The following IPCEF1 variants were observed in gnomAD, a reference collection of about 807,000 sequenced individuals.
IPCEF1 encodes the protein interactor protein for cytohesin exchange factors 1.
A neutral mutation model predicts 50.9 loss-of-function variants in IPCEF1; 31 were observed. The ratio of observed to expected loss-of-function variants is 0.61; its 90% CI spans 0.46 to 0.82. The LOEUF (loss-of-function observed/expected upper bound fraction) is 0.82, where lower values mean the gene tolerates loss of function less well. Ranked by LOEUF, IPCEF1 falls within the 40% of genes least tolerant of loss-of-function variation. The probability of loss-of-function intolerance (pLI) is 0.00; values close to 1 mark genes in which losing one functional copy is unlikely to be tolerated. For synonymous variants in IPCEF1, 181 were observed against 192.0 expected (o/e 0.94, Z 0.47); for missense variants, 458 against 514.0 (o/e 0.89, Z 1.05).
chr6:154,184,541 G>GTATA (rs560871740), intron 10 of IPCEF1, among the ~76,000 whole-genome samples: 3 of 150,820 alleles, frequency 2.0e-5, no homozygotes, highest in South Asian at 2.1e-4. Context: ...GTATGTGTAT[G>GTATA]TATATATATA....
chr6:154,308,286 T>C (rs1006870241), intron 1 of IPCEF1, among the ~76,000 whole-genome samples: 5 of 152,164 alleles, frequency 3.3e-5, no homozygotes, highest in Non-Finnish European at 5.9e-5. Flanking sequence ...TGCTAATTTT[T>C]GTATTTTTTT....
At chr6:154,310,662 C>T (rs550624789) in intron 1 of IPCEF1, among the ~76,000 whole-genome samples, 9 of 152,078 alleles carry the variant, frequency 5.9e-5, no homozygotes, top group Admixed American at 2.6e-4. Context: ...ACATGGAATA[C>T]TATACAGACC....
intron 4 of IPCEF1, 29 bp from the exon 5 acceptor site, chr6:154,246,789 AT>A: frequency 3.1e-6 from 5 of 1,611,290 alleles, no homozygotes; most frequent in Non-Finnish European, 4.2e-6. Context: ...GAGGTAGATA[AT>A]GTATTACCCT....
intron 10 of IPCEF1, among the ~76,000 whole-genome samples, chr6:154,176,538 G>A (rs1800347088): frequency 6.6e-6 from 1 of 151,928 alleles, no homozygotes; most frequent in South Asian, 2.1e-4. Context: ...AACAGACAGA[G>A]AGCCAAATCA....
intron 2 of IPCEF1, among the ~76,000 whole-genome samples, chr6:154,268,554 T>C (rs748572990): frequency 3.3e-5 from 5 of 152,194 alleles, no homozygotes; most frequent in Non-Finnish European, 7.3e-5. Context: ...AGTTTCTCTC[T>C]GGCCCAGTGA....
Position 154,238,834 on chromosome 6 carries a change from C to CCATG in IPCEF1, c.246+7753_246+7756dup, listed in dbSNP as rs556239961. Among the ~76,000 whole-genome samples, 820 of 152,120 alleles carry CCATG rather than the reference C, an allele frequency of 5.4e-3. 1 individual carries two copies. Among genetic ancestry groups the CCATG allele is most frequent in the African/African-American group, 0.018 (755 of 41,504 alleles). On this transcript the variant is annotated intron_variant, in intron 5 of 11. Coordinates refer to ENST00000367220, the MANE Select transcript of IPCEF1 (RefSeq NM_001130700.2). ...GTGCTGGGATTACAGGCGTGAGCCA[C>CCATG]CATGCCTGGCCCTATTGTATAATCT... is the stretch of plus-strand genomic sequence containing the variant.
At chr6:154,277,289 C>T (rs1370025024) in intron 2 of IPCEF1, among the ~76,000 whole-genome samples, 1 of 152,226 alleles carries the variant, frequency 6.6e-6, no homozygotes, top group Non-Finnish European at 1.5e-5. Flanking sequence ...GTCACTAAAA[C>T]ACACCTATTT....
intron 3 of IPCEF1, among the ~76,000 whole-genome samples, chr6:154,248,994 C>G (rs750927690): frequency 1.1e-4 from 17 of 152,012 alleles, no homozygotes; most frequent in Non-Finnish European, 2.2e-4. Flanking sequence ...AATTATATTT[C>G]CTGGGAAATA....
At chr6:154,327,323 A>G (rs545697443) in intron 1 of IPCEF1, among the ~76,000 whole-genome samples, 44 of 152,336 alleles carry the variant, frequency 2.9e-4, no homozygotes, top group Non-Finnish European at 4.3e-4. Context: ...CCATCTGACA[A>G]AGGTCTAATA....
At chr6:154,294,848 G>C (rs1248363754) in intron 1 of IPCEF1, among the ~76,000 whole-genome samples, 1 of 151,892 alleles carries the variant, frequency 6.6e-6, no homozygotes, top group Admixed American at 6.6e-5. Context: ...GATCACCCTG[G>C]ACAACAGAGT....
At chr6:154,310,432 G>C (rs544614852) in intron 1 of IPCEF1, among the ~76,000 whole-genome samples, 37 of 152,306 alleles carry the variant, frequency 2.4e-4, no homozygotes, top group Non-Finnish European at 4.9e-4. Flanking sequence ...CTTGCACACT[G>C]TTGGTGGGAA....
At chr6:154,313,026 G>A (rs1451806665) in intron 1 of IPCEF1, among the ~76,000 whole-genome samples, 6 of 119,166 alleles carry the variant, frequency 5.0e-5, no homozygotes, top group African/African-American at 1.3e-4. Flanking sequence ...GCAGTGAGCC[G>A]AAATCAACCC....
chr6:154,304,899 A>C (rs764132492), intron 1 of IPCEF1, among the ~76,000 whole-genome samples: 4 of 152,204 alleles, frequency 2.6e-5, no homozygotes, highest in African/African-American at 4.8e-5. Context: ...AGATCACCTG[A>C]GGTTGGGAGC....
intron 1 of IPCEF1, among the ~76,000 whole-genome samples, chr6:154,339,216 G>A (rs1783852370): frequency 6.6e-6 from 1 of 152,000 alleles, no homozygotes; most frequent in Non-Finnish European, 1.5e-5. Flanking sequence ...CATATTTTCT[G>A]AATCTCATTA....
intron 7 of IPCEF1, among the ~76,000 whole-genome samples, chr6:154,220,776 T>G (rs977622508): frequency 1.3e-5 from 2 of 152,208 alleles, no homozygotes; most frequent in Non-Finnish European, 2.9e-5. Flanking sequence ...GAGCTAGGGA[T>G]CTACAATTTT....
At chr6:154,239,859 C>G (rs1235698709) in intron 5 of IPCEF1, among the ~76,000 whole-genome samples, 2 of 152,122 alleles carry the variant, frequency 1.3e-5, no homozygotes, top group African/African-American at 4.8e-5. Context: ...ATATCCACCA[C>G]GCTTGGCTAA....
chr6:154,232,408 A>T (rs1779793110), intron 5 of IPCEF1, among the ~76,000 whole-genome samples: 1 of 152,240 alleles, frequency 6.6e-6, no homozygotes, highest in Non-Finnish European at 1.5e-5. Context: ...AGCATATGCC[A>T]GTGAGGTAGT....
intron 10 of IPCEF1, among the ~76,000 whole-genome samples, chr6:154,188,430 C>A (rs896896983): frequency 6.6e-6 from 1 of 152,094 alleles, no homozygotes; most frequent in Non-Finnish European, 1.5e-5. Flanking sequence ...TTCTGTTTCC[C>A]CCAGATTGAA....
chr6:154,325,444 G>A (rs1312344737), intron 1 of IPCEF1, among the ~76,000 whole-genome samples: 3 of 152,198 alleles, frequency 2.0e-5, no homozygotes, highest in African/African-American at 7.2e-5. Context: ...TTAAGTAAGA[G>A]TAGACATCAC....
Sources: allele counts gnomAD v4.1 joint callset (sites outside exome capture counted in the v4.1 genomes callset), GRCh38; gene constraint gnomAD v4.1.1; transcripts MANE v1.5; gene names NCBI Gene and HGNC (gene_info 2026-07-23, HGNC 2026-07-21).